The following URM1 variants were observed in gnomAD, a reference collection of about 807,000 sequenced individuals.
URM1 encodes the protein ubiquitin-related modifier 1.
In URM1, 11 loss-of-function variants were observed where a neutral mutation model predicts 17.7. That is an observed-to-expected ratio of 0.62 (90% CI 0.39 to 1.03). The LOEUF (loss-of-function observed/expected upper bound fraction) is 1.03. URM1 is among the 50% of genes least tolerant of loss of function. URM1 has a pLI of 0.00. For synonymous variants in URM1, 48 were observed against 50.6 expected (o/e 0.95, Z 0.22); for missense variants, 128 against 129.2 (o/e 0.99, Z 0.04).
chr9:128,374,102 A>G (rs1833046896), intron 1 of URM1, among the ~76,000 whole-genome samples: 1 of 152,098 alleles, frequency 6.6e-6, no homozygotes, highest in African/African-American at 2.4e-5. Flanking sequence ...GACATAAGAG[A>G]GTCTGGCCTT....
Position 128,387,191 on chromosome 9 carries a change from C to T in URM1, c.107-625C>T, listed in dbSNP as rs1027753648. On this transcript the variant is annotated intron_variant, in intron 2 of 4. Coordinates refer to ENST00000372853, the MANE Select transcript of URM1 (RefSeq NM_030914.4). This position sits in a 1 kb window ranked among gnomAD's most constrained non-coding sequence, Gnocchi z 4.3. ...CACCCGAACCTCTGGCCACCGCTGG[C>T]GCGGAGGGCTCTGGAAGCACAGGGT... Among the ~76,000 whole-genome samples, 3 of 152,222 alleles carry T rather than the reference C, an allele frequency of 2.0e-5. No homozygotes were observed. Among genetic ancestry groups the T allele is most frequent in the African/African-American group, 4.8e-5 (2 of 41,450 alleles).
intron 1 of URM1, among the ~76,000 whole-genome samples, chr9:128,374,694 G>T (rs1833054548): frequency 6.6e-6 from 1 of 152,196 alleles, no homozygotes; most frequent in African/African-American, 2.4e-5. Context: ...GGACATCTCT[G>T]TTCCCTGAAA....
intron 3 of URM1, chr9:128,388,855 C>T: frequency 1.4e-5 from 14 of 1,005,292 alleles, no homozygotes; most frequent in Non-Finnish European, 1.7e-5. Context: ...AAGATTAGAC[C>T]CCTGGAAAAG....
At chr9:128,381,343 G>A (rs2131295364) in intron 2 of URM1, among the ~76,000 whole-genome samples, 1 of 152,316 alleles carries the variant, frequency 6.6e-6, no homozygotes, top group East Asian at 1.9e-4. Context: ...CTGGCATGAG[G>A]AGAACCAAAG....
chr9:128,389,853 C>G lies in URM1; in HGVS notation c.*119C>G, dbSNP rs1833286163. 3.7e-6 allele frequency: 5 copies of G among 1,365,164 alleles called. No individual in the cohort carries two copies. The highest frequency in any genetic ancestry group is 5.0e-6 in the Non-Finnish European group (5 of 1,004,156). The allele number at this position is 1,365,164 out of a possible 1,614,324, so 84.6% of individuals were successfully genotyped here. On this transcript the variant is annotated 3_prime_UTR_variant, in exon 5 of 5. Transcript: ENST00000372853. ...GCCTGCCTTCTTCCCTGCTCTGTCC[C>G]CTAAGCTCCCTCCAGGCAGGGAAAA...
chr9:128,375,825 A>G (rs1222507794), intron 1 of URM1, among the ~76,000 whole-genome samples: 1 of 152,042 alleles, frequency 6.6e-6, no homozygotes, highest in East Asian at 1.9e-4. Flanking sequence ...CAGCCTCCCA[A>G]AGTGCTAGAG....
Position 128,387,837 on chromosome 9 carries a change from T to A in URM1, c.128T>A (p.Ile43Asn). 6.2e-7 allele frequency: 1 copy of A among 1,614,142 alleles called. No homozygotes were observed. The highest frequency in any genetic ancestry group is 8.5e-7 in the Non-Finnish European group (1 of 1,180,012). Reference protein sequence around the residue: ...EEPWDIRNLLIWIKKNLLKER... With the variant: ...EEPWDIRNLLNWIKKNLLKER... ...CCAGGGGACATCCGGAACCTGCTCA[T>A]CTGGATCAAGAAGAATTTGCTAAAA... Residue 43 changes from isoleucine (I) to asparagine (N), a missense_variant, in exon 3 of 5, where the codon ATC becomes AAC. Ile to Asn is a moderately radical substitution (Grantham distance 149). Transcript: ENST00000372853. This position sits in a 1 kb window ranked among gnomAD's most constrained non-coding sequence, Gnocchi z 4.3.
At position 128,390,826 on chromosome 9, in the gene URM1, G is replaced by A. The variant is rs1221545179; in HGVS notation, c.*1092G>A. The A allele has an allele frequency of 1.3e-5, 2 of 152,508 alleles. No homozygotes were observed. The highest frequency in any genetic ancestry group is 3.8e-4 in the East Asian group (2 of 5,198). 9.4% of individuals were successfully genotyped at this position (152,508 alleles called of 1,614,324 possible). On this transcript the variant is annotated 3_prime_UTR_variant, in exon 5 of 5. Transcript: ENST00000372853. ...TACAACCTCTCCATCCTCAGCCTAGGGCCTCAGAGCTACCCTTCACCCAAA... is the reference window on the plus strand; with the variant it reads ...TACAACCTCTCCATCCTCAGCCTAGAGCCTCAGAGCTACCCTTCACCCAAA...
rs772644556 is a variant in URM1 at position 128,389,262 on chromosome 9, C to T, written c.190C>T (p.Arg64Trp). The T allele has an allele frequency of 6.9e-6, 11 of 1,595,354 alleles. No individual in the cohort carries two copies. Among genetic ancestry groups the T allele is most frequent in the South Asian group, 1.1e-5 (1 of 88,470 alleles). Residue 64 changes from arginine (R) to tryptophan (W), a missense_variant and splice_region_variant, in exon 4 of 5, where the codon CGG becomes TGG. Physicochemically the swap from Arg to Trp is moderately radical, Grantham distance 101. Transcript: ENST00000372853. ...TACTCACCACCATCTTTCCCACAGG[C>T]GGCCAGGAATTCTGGTGCTGATTAA... ...PELFIQGDSV[R>W]PGILVLINDA... is the part of the protein sequence containing the mutation.
chr9:128,388,906 C>G, intron 3 of URM1: 17 of 1,069,656 alleles, frequency 1.6e-5, no homozygotes, highest in Non-Finnish European at 1.9e-5. Context: ...AAGCACTCCA[C>G]ACATATCAGC....
At chr9:128,383,926 C>T (rs1833193688) in intron 2 of URM1, among the ~76,000 whole-genome samples, 1 of 152,100 alleles carries the variant, frequency 6.6e-6, no homozygotes, top group South Asian at 2.1e-4. Context: ...TGGCAGCAGC[C>T]TTTAGAAGGT....
At chr9:128,384,305 C>T (rs1382245400) in intron 2 of URM1, among the ~76,000 whole-genome samples, 1 of 152,168 alleles carries the variant, frequency 6.6e-6, no homozygotes, top group Non-Finnish European at 1.5e-5. Context: ...GTGCCCATCT[C>T]CTTCCTCTGG....
chr9:128,371,697 CCTCT>C (rs1259370959), intron 1 of URM1, among the ~76,000 whole-genome samples: 3 of 152,154 alleles, frequency 2.0e-5, no homozygotes, highest in African/African-American at 2.4e-5. Flanking sequence ...TAGCAGGCAG[CCTCT>C]CTCTCTTCTT....
chr9:128,384,797 A>C lies in URM1; in HGVS notation c.107-3019A>C, dbSNP rs564380045. Among the ~76,000 whole-genome samples the C allele has an allele frequency of 3.3e-5, 5 of 152,242 alleles. No individual in the cohort carries two copies. The South Asian group carries it at 6.2e-4, about 19-fold the overall frequency. ...CCCATTTTACAAAAAAAGGAAGCCG[A>C]GGCTTCCTATTACCTAAGGTAATAG... On this transcript the variant is annotated intron_variant, in intron 2 of 4. Transcript: ENST00000372853.
In URM1 at chr9:128,372,268, A is replaced by ATG. The variant is rs150609498; in HGVS notation, c.35+870_35+871dup. On this transcript the variant is annotated intron_variant, in intron 1 of 4. Transcript: ENST00000372853. The stretch of plus-strand genomic sequence containing the variant: ...CGTGGAAAAGAGGAAATAGGTAGGG[A>ATG]TGTGTGTGTGTGTGTGTGGAATAGG... 9.5e-3 allele frequency among the ~76,000 whole-genome samples: 1,420 copies of ATG among 150,030 alleles called. 28 individuals carry two copies. The East Asian group carries it at 0.11, about 11-fold the overall frequency.
At position 128,389,787 on chromosome 9, in the gene URM1, C is replaced by G; in HGVS notation, c.*53C>G. The G allele has an allele frequency of 6.2e-7, 1 of 1,610,512 alleles. No homozygotes were observed. Among genetic ancestry groups the G allele is most frequent in the South Asian group, 1.1e-5 (1 of 90,788 alleles). On this transcript the variant is annotated 3_prime_UTR_variant, in exon 5 of 5. Transcript: ENST00000372853. ...TAGAGGGGAGAACGAAGCAATCAGA[C>G]ATCCCCTTGGGCCCTGCTTCCAGGT...
rs1833305955 is a variant in URM1, at chr9:128,390,982, C to T, written c.*1248C>T. 6.6e-6 allele frequency: 1 copy of T among 152,414 alleles called. No homozygotes were observed. The highest frequency in any genetic ancestry group is 2.4e-5 in the African/African-American group (1 of 41,446). 9.4% of individuals were successfully genotyped at this position (152,414 alleles called of 1,614,324 possible). Reference sequence around the variant, plus strand: ...CGGGACGCATCCCCACCCGTCTGTCCAAGGCTTTGTCCCACCAGCTGCAGC... The same window carrying T: ...CGGGACGCATCCCCACCCGTCTGTCTAAGGCTTTGTCCCACCAGCTGCAGC... On this transcript the variant is annotated 3_prime_UTR_variant, in exon 5 of 5. Transcript: ENST00000372853.
At chr9:128,378,254 C>T (rs1833104561) in intron 2 of URM1, 148 bp downstream of exon 2, 1 of 595,170 alleles carries the variant, frequency 1.7e-6, no homozygotes. Context: ...CAAGAGTCTA[C>T]ACGGCTGGGC....
intron 2 of URM1, among the ~76,000 whole-genome samples, chr9:128,381,869 C>G (rs1179020565): frequency 6.6e-6 from 1 of 152,256 alleles, no homozygotes; most frequent in Admixed American, 6.5e-5. Flanking sequence ...AAGAGGCTCC[C>G]TGAATTACTC....
Sources: gnomAD v4.1 joint callset for allele counts (sites outside exome capture counted in the v4.1 genomes callset) on GRCh38, gnomAD v4.1.1 for gene constraint, Gnocchi (gnomAD v3.1) non-coding constraint, MANE v1.5 for transcripts, NCBI Gene and HGNC (gene_info 2026-07-23, HGNC 2026-07-21) for gene names.